Variants in EPHA3 observed in about 807,000 individuals in gnomAD.
The protein encoded by EPHA3 is ephrin type-A receptor 3.
EPHA3 carries 42 observed loss-of-function variants against 107.1 expected under a neutral mutation model. The observed-to-expected ratio is 0.39, with a 90% CI of 0.31 to 0.51. The LOEUF (loss-of-function observed/expected upper bound fraction) is 0.51. EPHA3 is among the 20% of genes least tolerant of loss of function. The probability of loss-of-function intolerance (pLI) is 0.78; values close to 1 mark genes in which losing one functional copy is unlikely to be tolerated. For missense variants in EPHA3, 1,183 were observed against 1,211.2 expected (o/e 0.98, Z 0.35); for synonymous variants, 461 against 424.8 (o/e 1.09, Z -1.05).
chr3:89,321,213 G>A (rs1707036630), intron 3 of EPHA3, among the ~76,000 whole-genome samples: 3 of 151,984 alleles, frequency 2.0e-5, no homozygotes, highest in African/African-American at 7.2e-5. Context: ...CATGTGAGTT[G>A]AAGAAGGAAG....
chr3:89,322,457 C>T (rs1357166569), intron 3 of EPHA3, among the ~76,000 whole-genome samples: 4 of 151,860 alleles, frequency 2.6e-5, no homozygotes, highest in Non-Finnish European at 5.9e-5. Flanking sequence ...ATCACCTTAG[C>T]GATGGTACTG....
chr3:89,152,374 C>T (rs1191700498), intron 2 of EPHA3, among the ~76,000 whole-genome samples: 1 of 152,008 alleles, frequency 6.6e-6, no homozygotes. Context: ...AGAAACTGCA[C>T]AGGCCTTCTC....
chr3:89,347,701 A>G (rs962692233), intron 5 of EPHA3, among the ~76,000 whole-genome samples: 4 of 150,610 alleles, frequency 2.7e-5, no homozygotes, highest in Non-Finnish European at 5.9e-5. Flanking sequence ...CCAGTTTTCA[A>G]AGGGAATGCT....
intron 2 of EPHA3, among the ~76,000 whole-genome samples, chr3:89,194,207 T>A (rs916058610): frequency 6.6e-6 from 1 of 152,012 alleles, no homozygotes; most frequent in Non-Finnish European, 1.5e-5. Context: ...CATGGATTGA[T>A]GTGCTAACAA....
chr3:89,443,969 C>T (rs538888671), intron 13 of EPHA3, among the ~76,000 whole-genome samples: 1 of 152,228 alleles, frequency 6.6e-6, no homozygotes, highest in Non-Finnish European at 1.5e-5. Flanking sequence ...AGATAGCATG[C>T]TCACAGGGGG....
At chr3:89,317,624 G>A (rs1706939758) in intron 3 of EPHA3, among the ~76,000 whole-genome samples, 1 of 151,610 alleles carries the variant, frequency 6.6e-6, no homozygotes, top group Non-Finnish European at 1.5e-5. Flanking sequence ...AATCATTTTT[G>A]CAGTATAACA....
At chr3:89,394,484 T>A (rs955995170) in intron 5 of EPHA3, among the ~76,000 whole-genome samples, 2 of 152,238 alleles carry the variant, frequency 1.3e-5, no homozygotes, top group African/African-American at 2.4e-5. Context: ...ATCTCACAAA[T>A]AATAAAACCC....
At chr3:89,427,004 T>C (rs1257636695) in intron 11 of EPHA3, among the ~76,000 whole-genome samples, 1 of 151,886 alleles carries the variant, frequency 6.6e-6, no homozygotes, top group African/African-American at 2.4e-5. Flanking sequence ...CCCTTTCTTT[T>C]TGAATATTGT....
At chr3:89,189,279 C>T (rs1457446876) in intron 2 of EPHA3, among the ~76,000 whole-genome samples, 1 of 152,130 alleles carries the variant, frequency 6.6e-6, no homozygotes, top group Non-Finnish European at 1.5e-5. Context: ...TCCAATTCTT[C>T]AATCCTAATA....
chr3:89,240,131 C>T (rs962204049), intron 3 of EPHA3, among the ~76,000 whole-genome samples: 4 of 152,168 alleles, frequency 2.6e-5, no homozygotes, highest in Non-Finnish European at 5.9e-5. Context: ...GGGACAAAAG[C>T]AGGTCGCATG....
At chr3:89,182,216 G>A (rs1705457282) in intron 2 of EPHA3, among the ~76,000 whole-genome samples, 2 of 151,804 alleles carry the variant, frequency 1.3e-5, no homozygotes, top group Non-Finnish European at 1.5e-5. Flanking sequence ...TGTACCCAGT[G>A]GTGCCACTTT....
At chr3:89,285,284 C>T (rs565830648) in intron 3 of EPHA3, among the ~76,000 whole-genome samples, 13 of 152,086 alleles carry the variant, frequency 8.5e-5, no homozygotes, top group Non-Finnish European at 1.6e-4. Context: ...AGAAGTCTTC[C>T]TGGTTTACCT....
chr3:89,371,856 G>T (rs762956618), intron 5 of EPHA3, among the ~76,000 whole-genome samples: 1 of 151,416 alleles, frequency 6.6e-6, no homozygotes. Context: ...TGCCTATATT[G>T]AAGAGAAACA....
chr3:89,272,246 C>A (rs1282709787), intron 3 of EPHA3, among the ~76,000 whole-genome samples: 1 of 151,568 alleles, frequency 6.6e-6, no homozygotes, highest in Non-Finnish European at 1.5e-5. Context: ...CAAGGGTCAA[C>A]CGTACTACCA....
chr3:89,384,887 G>A (rs1708585869), intron 5 of EPHA3, among the ~76,000 whole-genome samples: 1 of 152,180 alleles, frequency 6.6e-6, no homozygotes, highest in Non-Finnish European at 1.5e-5. Context: ...ATCACTAGAT[G>A]CTTAAACTGC....
At chr3:89,277,464 A>G (rs1705835365) in intron 3 of EPHA3, among the ~76,000 whole-genome samples, 2 of 152,276 alleles carry the variant, frequency 1.3e-5, no homozygotes, top group Admixed American at 6.5e-5. Context: ...TGGCAATTCA[A>G]AGATAAATCT....
At chr3:89,128,157 C>A (rs1477770368) in intron 2 of EPHA3, among the ~76,000 whole-genome samples, 1 of 152,094 alleles carries the variant, frequency 6.6e-6, no homozygotes, top group Admixed American at 6.6e-5. Context: ...ACTTCCACTT[C>A]GTGTTGGCGT....
intron 1 of EPHA3, among the ~76,000 whole-genome samples, chr3:89,124,184 T>TCTA (rs1394159097): frequency 6.6e-6 from 1 of 152,194 alleles, no homozygotes; most frequent in Non-Finnish European, 1.5e-5. Context: ...AATGATCAGG[T>TCTA]CTAGATATGT....
intron 5 of EPHA3, among the ~76,000 whole-genome samples, chr3:89,360,633 G>A (rs1303215108): frequency 6.6e-6 from 1 of 150,950 alleles, no homozygotes; most frequent in East Asian, 1.9e-4. Flanking sequence ...CACCCTAGTA[G>A]CATCATCTTC....
Sources: allele counts gnomAD v4.1 joint callset (sites outside exome capture counted in the v4.1 genomes callset), GRCh38; gene constraint gnomAD v4.1.1; transcripts MANE v1.5; gene names NCBI Gene and HGNC (gene_info 2026-07-23, HGNC 2026-07-21).